The following MAX variants were observed in gnomAD, a reference collection of about 807,000 sequenced individuals.
MAX encodes the protein protein max.
A neutral mutation model predicts 22.3 loss-of-function variants in MAX; 3 were observed. That is an observed-to-expected ratio of 0.13 (90% confidence interval 0.06 to 0.35). The LOEUF is 0.35. Among genes scored for constraint, MAX ranks in the 10% least tolerant of loss-of-function variants. MAX has a pLI of 1.00. For missense variants in MAX, 119 were observed against 209.4 expected (o/e 0.57, Z 2.66); for synonymous variants, 72 against 77.7 (o/e 0.93, Z 0.39).
intron 3 of MAX, among the ~76,000 whole-genome samples, chr14:65,063,981 G>A (rs1003153398): frequency 1.3e-5 from 2 of 152,164 alleles, no homozygotes; most frequent in Non-Finnish European, 2.9e-5. Context: ...TCTGTATCCA[G>A]GTGGGCTCCA....
At chr14:65,045,102 T>C (rs879522196) in intron 3 of MAX, among the ~76,000 whole-genome samples, 2 of 152,130 alleles carry the variant, frequency 1.3e-5, no homozygotes, top group African/African-American at 2.4e-5. Context: ...CCGAAGTAGT[T>C]AGTGAGCAAA....
rs1555390879 is a variant in MAX at position 65,012,274 on chromosome 14, C to G, written c.172-5990G>C. 1 of 1,610,704 alleles carries G rather than the reference C, an allele frequency of 6.2e-7. No individual in the cohort carries two copies. Among genetic ancestry groups the G allele is most frequent in the South Asian group, 1.1e-5 (1 of 90,954 alleles). ...TGCACATACGTGTGTATGGTGGAAG[C>G]ATAAGCTATTAGAATGGGCTTATAA... On this transcript the variant is annotated intron_variant, in intron 3 of 3. Transcript: ENST00000341653. The surrounding 1 kb of genome is among the most constrained non-coding windows in gnomAD (Gnocchi z 5.0).
chr14:65,025,574 G>A (rs1390649873), intron 3 of MAX, among the ~76,000 whole-genome samples: 2 of 152,198 alleles, frequency 1.3e-5, no homozygotes, highest in Non-Finnish European at 2.9e-5. Context: ...CAGCACTTTG[G>A]GAGTCCGAGG....
In MAX at chr14:65,012,276, T is replaced by A; in HGVS notation, c.172-5992A>T. On this transcript the variant is annotated intron_variant, in intron 3 of 3. Transcript: ENST00000341653. The surrounding 1 kb of genome is among the most constrained non-coding windows in gnomAD (Gnocchi z 5.0). ...CACATACGTGTGTATGGTGGAAGCA[T>A]AAGCTATTAGAATGGGCTTATAAAC... 6.2e-7 allele frequency: 1 copy of A among 1,613,174 alleles called. No individual in the cohort carries two copies. The highest frequency in any genetic ancestry group is 8.5e-7 in the Non-Finnish European group (1 of 1,179,270).
intron 2 of MAX, among the ~76,000 whole-genome samples, chr14:65,097,741 G>A (rs958544056): frequency 6.6e-6 from 1 of 152,106 alleles, no homozygotes; most frequent in Admixed American, 6.5e-5. Context: ...TGATAGATAA[G>A]AACAAGATAG....
Position 65,075,269 on chromosome 14 carries a change from A to G in MAX, c.*1207T>C, listed in dbSNP as rs1566595553. 2 of 1,060,728 alleles carry G rather than the reference A, an allele frequency of 1.9e-6. No individual in the cohort carries two copies. The highest frequency in any genetic ancestry group is 2.3e-6 in the Non-Finnish European group (2 of 876,166). 65.7% of individuals were successfully genotyped at this position (1,060,728 alleles called of 1,614,324 possible). A position where few individuals can be genotyped will look rare whatever the true frequency, so the allele number is the denominator to read the frequency against. On this transcript the variant is annotated 3_prime_UTR_variant, in exon 5 of 5. Transcript: ENST00000358664. The surrounding 1 kb of genome is among the most constrained non-coding windows in gnomAD (Gnocchi z 4.1). The stretch of plus-strand genomic sequence containing the variant: ...CACGAACTGAGACTACAGAGTATAC[A>G]CTAGAAATCAGCAAATGCCAGGAAC...
intron 3 of MAX, chr14:65,015,523 C>T: frequency 8.3e-7 from 1 of 1,200,874 alleles, no homozygotes. Context: ...GTGCCCTCCT[C>T]CCCCTTGCCA....
Position 65,077,031 on chromosome 14 carries a change from T to C in MAX, c.296-368A>G. On this transcript the variant is annotated intron_variant, in intron 4 of 4. Coordinates refer to ENST00000358664, the MANE Select transcript of MAX (RefSeq NM_002382.5). This position sits in a 1 kb window ranked among gnomAD's most constrained non-coding sequence, Gnocchi z 6.3. ...CCCAGGAGCATGAGGCTCCACAAGG[T>C]GTGAGGCCACACAACAGCAGGAAAG... 1 of 545,640 alleles carries C rather than the reference T, an allele frequency of 1.8e-6. No homozygotes were observed. The highest frequency in any genetic ancestry group is 2.1e-5 in the South Asian group (1 of 48,006). 33.8% of individuals were successfully genotyped at this position (545,640 alleles called of 1,614,324 possible). A position where few individuals can be genotyped will look rare whatever the true frequency, so the allele number is the denominator to read the frequency against.
At chr14:65,033,010 A>C (rs1036621712) in intron 3 of MAX, among the ~76,000 whole-genome samples, 13 of 152,246 alleles carry the variant, frequency 8.5e-5, no homozygotes, top group African/African-American at 3.1e-4. Flanking sequence ...CGTAGGACCC[A>C]GTAATTCCAC....
rs527816584 is a variant in MAX, at chr14:65,088,267, A to G, written c.171+5441T>C. Among the ~76,000 whole-genome samples the G allele has an allele frequency of 6.6e-6, 1 of 152,370 alleles. No homozygotes were observed. The highest frequency in any genetic ancestry group is 1.5e-5 in the Non-Finnish European group (1 of 68,018). On this transcript the variant is annotated intron_variant, in intron 3 of 4. Transcript: ENST00000358664. The surrounding 1 kb of genome is among the most constrained non-coding windows in gnomAD (Gnocchi z 5.2). ...TAGGTAAGCTGGGTATCTTATTTACAGAACATGGAATACCAGTCCTTACCT... is the reference window on the plus strand; with the variant it reads ...TAGGTAAGCTGGGTATCTTATTTACGGAACATGGAATACCAGTCCTTACCT...
Position 65,027,643 on chromosome 14 carries a change from C to G in MAX, c.172-21359G>C. The G allele has an allele frequency of 6.2e-7, 1 of 1,613,966 alleles. No individual in the cohort carries two copies. Among genetic ancestry groups the G allele is most frequent in the South Asian group, 1.1e-5 (1 of 91,046 alleles). ...GTGACAGAAACCTAGAGGAGTTCCCCGCCTGCTGACACGCACTGACTGTTG... is the reference window on the plus strand; with the variant it reads ...GTGACAGAAACCTAGAGGAGTTCCCGGCCTGCTGACACGCACTGACTGTTG... On this transcript the variant is annotated intron_variant, in intron 3 of 3. Coordinates refer to the MAX transcript ENST00000341653. This position sits in a 1 kb window ranked among gnomAD's most constrained non-coding sequence, Gnocchi z 5.7.
At chr14:65,063,844 T>C (rs976394523) in intron 3 of MAX, among the ~76,000 whole-genome samples, 3 of 152,204 alleles carry the variant, frequency 2.0e-5, no homozygotes, top group Non-Finnish European at 2.9e-5. Context: ...AGATTACGGG[T>C]GTGAGCCACC....
chr14:65,037,465 T>G (rs1018794028), intron 3 of MAX, among the ~76,000 whole-genome samples: 14 of 136,718 alleles, frequency 1.0e-4, no homozygotes, highest in African/African-American at 3.6e-4. Context: ...TCTTTTTGTT[T>G]TATGTGTCTC....
rs2062097092 is a variant in MAX, at chr14:65,032,016, G to GTGTGTGTA, written c.172-25733_172-25732insTACACACA. On this transcript the variant is annotated intron_variant, in intron 3 of 3. Transcript: ENST00000341653. This position sits in a 1 kb window ranked among gnomAD's most constrained non-coding sequence, Gnocchi z 5.0. The stretch of plus-strand genomic sequence containing the variant: ...TGTGTGTGTGTGTGTGTGTGTGTGT[G>GTGTGTGTA]TGTACTGGTGAGAGGTTTGAAATCA... Among the ~76,000 whole-genome samples the GTGTGTGTA allele has an allele frequency of 6.7e-6, 1 of 149,482 alleles. No individual in the cohort carries two copies. The highest frequency in any genetic ancestry group is 1.5e-5 in the Non-Finnish European group (1 of 66,914).
chr14:65,036,276 AC>A (rs2139603498), intron 3 of MAX, among the ~76,000 whole-genome samples: 1 of 150,416 alleles, frequency 6.6e-6, no homozygotes, highest in Non-Finnish European at 1.5e-5. Context: ...TCACTTCGTC[AC>A]CCAGGCTGGA....
rs2062090062 is a variant in MAX at position 65,031,806 on chromosome 14, A to G, written c.172-25522T>C. 4.6e-5 allele frequency among the ~76,000 whole-genome samples: 7 copies of G among 152,094 alleles called. No homozygotes were observed. On this transcript the variant is annotated intron_variant, in intron 3 of 3. Coordinates refer to the MAX transcript ENST00000341653. The surrounding 1 kb of genome is among the most constrained non-coding windows in gnomAD (Gnocchi z 4.6). ...CATGGTGGCATGCGCCTGTAATCCC[A>G]GCTACTTGGGAGGCTGATACAGGAG...
intron 1 of MAX, 101 bp downstream of exon 1, chr14:65,102,203 C>A: frequency 9.0e-6 from 14 of 1,563,210 alleles, no homozygotes; most frequent in Non-Finnish European, 1.1e-5. Context: ...GGGAAGGAGG[C>A]GGCGGCAGCC....
chr14:65,016,930 T>TTTTTG (rs1419722616), intron 3 of MAX, among the ~76,000 whole-genome samples: 1 of 149,358 alleles, frequency 6.7e-6, no homozygotes, highest in Admixed American at 6.7e-5. Flanking sequence ...GTTTTTTTTT[T>TTTTTG]TTTTTTTTTT....
chr14:65,038,802 C>A (rs2062274866), intron 3 of MAX, among the ~76,000 whole-genome samples: 1 of 152,122 alleles, frequency 6.6e-6, no homozygotes. Context: ...TTGAGAGATT[C>A]TCTTAGTATT....
Sources: allele counts gnomAD v4.1 joint callset (sites outside exome capture counted in the v4.1 genomes callset), GRCh38; gene constraint gnomAD v4.1.1; non-coding constraint Gnocchi (gnomAD v3.1); transcripts MANE v1.5; gene names NCBI Gene and HGNC (gene_info 2026-07-23, HGNC 2026-07-21).